The following DYRK4 variants were observed in gnomAD, a reference collection of about 807,000 sequenced individuals.
DYRK4 encodes the protein dual specificity tyrosine phosphorylation regulated kinase 4.
A neutral mutation model predicts 68.3 loss-of-function variants in DYRK4; 64 were observed. That is an observed-to-expected ratio of 0.94 (90% confidence interval 0.77 to 1.15). DYRK4 has a LOEUF of 1.15. Ranked by LOEUF, DYRK4 falls within the 50% of genes most tolerant of loss-of-function variation. DYRK4 has a pLI of 0.00. For missense variants in DYRK4, 740 were observed against 764.7 expected (o/e 0.97, Z 0.38); for synonymous variants, 274 against 289.9 (o/e 0.95, Z 0.56).
intron 10 of DYRK4, among the ~76,000 whole-genome samples, chr12:4,604,477 T>C (rs964748629): frequency 6.6e-5 from 10 of 152,200 alleles, no homozygotes; most frequent in African/African-American, 2.2e-4. Context: ...GCACATGCTA[T>C]ATTGAATACA....
At chr12:4,590,970 T>A (rs967243339) in intron 4 of DYRK4, 190 bp from the exon 5 acceptor site, 100 of 661,012 alleles carry the variant, frequency 1.5e-4, no homozygotes, top group Middle Eastern at 6.2e-4. Flanking sequence ...CCAGGAATAG[T>A]GTCAGTCAGA....
chr12:4,580,685 C>T (rs978235856), intron 2 of DYRK4: 7 of 380,326 alleles, frequency 1.8e-5, no homozygotes, highest in Admixed American at 3.5e-5. Flanking sequence ...TTTTTAACTC[C>T]TGGTAGTTCT....
chr12:4,562,356 C>A, intron 1 of DYRK4, 73 bp downstream of exon 1: 3 of 1,483,082 alleles, frequency 2.0e-6, no homozygotes, highest in South Asian at 1.3e-5. Context: ...AGCTTCTGGT[C>A]GACGGGGTCG....
At chr12:4,598,328 C>T (rs1945041754) in intron 8 of DYRK4, among the ~76,000 whole-genome samples, 1 of 152,208 alleles carries the variant, frequency 6.6e-6, no homozygotes, top group Non-Finnish European at 1.5e-5. Context: ...GAGTCATGCT[C>T]TTTCCCTTCT....
chr12:4,597,907 T>G (rs1423904701), intron 8 of DYRK4, among the ~76,000 whole-genome samples: 1 of 151,890 alleles, frequency 6.6e-6, no homozygotes, highest in Non-Finnish European at 1.5e-5. Flanking sequence ...AAACCCCATC[T>G]CTACTAAAAA....
At chr12:4,573,445 G>T (rs1012980909) in intron 2 of DYRK4, 1 of 1,255,360 alleles carries the variant, frequency 8.0e-7, no homozygotes, top group African/African-American at 1.5e-5. Context: ...ATTACCTTTG[G>T]TTTCTGTCAA....
intron 2 of DYRK4, chr12:4,573,179 C>A: frequency 1.8e-6 from 1 of 550,380 alleles, no homozygotes; most frequent in Non-Finnish European, 2.9e-6. Flanking sequence ...TGCAAGTTAA[C>A]ATTAAAACGT....
At position 4,591,064 on chromosome 12, in the gene DYRK4, CT is replaced by C. The variant is rs1282886761; in HGVS notation, c.325-95del. 28 of 1,449,060 alleles carry C rather than the reference CT, an allele frequency of 1.9e-5. No homozygotes were observed. In the East Asian group the frequency reaches 6.4e-4, roughly 33 times the overall value. The allele number at this position is 1,449,060 out of a possible 1,614,324, so 89.8% of individuals were successfully genotyped here. A position where few individuals can be genotyped will look rare whatever the true frequency, so the allele number is the denominator to read the frequency against. On this transcript the variant is annotated intron_variant, in intron 4 of 14. Transcript: ENST00000543431. This position sits in a 1 kb window ranked among gnomAD's most constrained non-coding sequence, Gnocchi z 4.1. ...CTCCCTGGAGAGGTAGGTAAAGAGC[CT>C]GGCTGAAGGTGGGTGTCTTTGGTTA... is the stretch of plus-strand genomic sequence containing the variant.
At chr12:4,600,879 T>C (rs757971040) in intron 10 of DYRK4, among the ~76,000 whole-genome samples, 3 of 152,076 alleles carry the variant, frequency 2.0e-5, no homozygotes, top group Non-Finnish European at 4.4e-5. Flanking sequence ...AGAAAGGAGT[T>C]AGAACTGAAA....
chr12:4,611,772 G>A (rs1249978587), intron 13 of DYRK4, among the ~76,000 whole-genome samples: 1 of 152,174 alleles, frequency 6.6e-6, no homozygotes, highest in Non-Finnish European at 1.5e-5. Context: ...ATTTCAGAAG[G>A]TGGTCAGATG....
At chr12:4,590,577 T>A in intron 4 of DYRK4, 137 bp downstream of exon 4, 1 of 1,409,782 alleles carries the variant, frequency 7.1e-7, no homozygotes, top group Non-Finnish European at 9.2e-7. Context: ...CCTGTTCTCA[T>A]TCTTTACAAT....
intron 2 of DYRK4, among the ~76,000 whole-genome samples, chr12:4,572,628 T>A (rs1222862586): frequency 3.9e-5 from 6 of 152,164 alleles, no homozygotes; most frequent in African/African-American, 1.4e-4. Flanking sequence ...TTTTCTATCA[T>A]GTGGGGACAG....
chr12:4,610,063 A>C, intron 12 of DYRK4, 92 bp from the exon 13 acceptor site: 1 of 1,191,126 alleles, frequency 8.4e-7, no homozygotes, highest in South Asian at 1.7e-5. Flanking sequence ...ACAGAGAGCA[A>C]AAGAGCTACA....
At chr12:4,602,530 CAACTTATAA>C (rs1945093198) in intron 10 of DYRK4, 1 of 1,185,026 alleles carries the variant, frequency 8.4e-7, no homozygotes, top group African/African-American at 1.7e-5. Context: ...GGATATAAGC[CAACTTATAA>C]GTGGAGGGAT....
At chr12:4,580,555 C>T (rs1466370546) in intron 2 of DYRK4, among the ~76,000 whole-genome samples, 1 of 152,220 alleles carries the variant, frequency 6.6e-6, no homozygotes, top group African/African-American at 2.4e-5. Flanking sequence ...CTCCCTCCCT[C>T]CCAGTTCTTT....
chr12:4,574,117 C>T (rs1448067436), intron 2 of DYRK4, among the ~76,000 whole-genome samples: 6 of 151,014 alleles, frequency 4.0e-5, no homozygotes, highest in Non-Finnish European at 8.8e-5. Context: ...CCCAGCTGCT[C>T]GGGAGGCTGA....
intron 7 of DYRK4, 29 bp from the exon 8 acceptor site, chr12:4,596,560 A>G (rs781200581): frequency 9.3e-6 from 15 of 1,605,258 alleles, no homozygotes. Flanking sequence ...CCCATTTCCC[A>G]CCCTGCCGGC....
intron 2 of DYRK4, among the ~76,000 whole-genome samples, chr12:4,585,182 A>C (rs2137350776): frequency 6.6e-6 from 1 of 152,226 alleles, no homozygotes; most frequent in African/African-American, 2.4e-5. Flanking sequence ...CTACGTGTGA[A>C]TCTTAGTGGC....
At chr12:4,612,778 T>G in intron 14 of DYRK4, 60 bp downstream of exon 14, 1 of 1,562,480 alleles carries the variant, frequency 6.4e-7, no homozygotes, top group Non-Finnish European at 8.8e-7. Flanking sequence ...ATTCTAGAAT[T>G]CTGTAAATCT....
Sources: gnomAD v4.1 joint callset for allele counts (sites outside exome capture counted in the v4.1 genomes callset) on GRCh38, gnomAD v4.1.1 for gene constraint, Gnocchi (gnomAD v3.1) non-coding constraint, MANE v1.5 for transcripts, NCBI Gene and HGNC (gene_info 2026-07-23, HGNC 2026-07-21) for gene names.